Variants in GUCA2A observed in about 807,000 individuals in gnomAD.
The protein encoded by GUCA2A is guanylin.
A neutral mutation model predicts 11.2 loss-of-function variants in GUCA2A; 17 were observed. That is an observed-to-expected ratio of 1.52 (90% CI 1.04 to 2.28). The LOEUF is 2.28. Ranked by LOEUF, GUCA2A falls within the 30% of genes most tolerant of loss-of-function variation. The pLI is 0.00. For missense variants in GUCA2A, 173 were observed against 139.3 expected, an observed-to-expected ratio of 1.24 and a Z score of -1.22; for synonymous variants, 64 against 57.1, an observed-to-expected ratio of 1.12 and a Z score of -0.54.
chr1:42,163,551 G>C lies in GUCA2A; in HGVS notation c.135C>G (p.Pro45=). 3 of 1,613,906 alleles carry C rather than the reference G, an allele frequency of 1.9e-6. No homozygotes were observed. The highest frequency in any genetic ancestry group is 2.5e-6 in the Non-Finnish European group (3 of 1,179,822). ...TGAGTTTCCCAACCCTGGGCTCCTGGGGCTCCTGGAGGTCTTTGAGCTTCT... is the reference window on the plus strand; with the variant it reads ...TGAGTTTCCCAACCCTGGGCTCCTGCGGCTCCTGGAGGTCTTTGAGCTTCT... ...SVKKLKDLQE[P]QEPRVGKLRN... is the part of the protein sequence containing the mutation. Residue 45 remains proline, a synonymous_variant, in exon 2 of 3, where the codon CCC becomes CCG. Transcript: ENST00000357001.
Position 42,162,912 on chromosome 1 carries a change from T to A in GUCA2A, c.342A>T (p.Gly114=). ...AGGCAGTGGGCAAGCCCCCCTAGCATCCGGTACAGGCAGCGTAGGCACAGA... is the reference window on the plus strand; with the variant it reads ...AGGCAGTGGGCAAGCCCCCCTAGCAACCGGTACAGGCAGCGTAGGCACAGA... ...CEICAYAACT[G]C Residue 114 remains glycine (G), a synonymous_variant, in exon 3 of 3, where the codon GGA becomes GGT. Coordinates refer to ENST00000357001, the MANE Select transcript of GUCA2A (RefSeq NM_033553.3). 6.2e-7 allele frequency: 1 copy of A among 1,613,276 alleles called. No homozygotes were observed. Among genetic ancestry groups the A allele is most frequent in the Non-Finnish European group, 8.5e-7 (1 of 1,179,308 alleles).
Position 42,162,798 on chromosome 1 carries a change from G to T in GUCA2A, c.*108C>A. On this transcript the variant is annotated 3_prime_UTR_variant, in exon 3 of 3. Coordinates refer to ENST00000357001, the MANE Select transcript of GUCA2A (RefSeq NM_033553.3). ...CTCCCCGGGCTGCTCCTCCCGACTG[G>T]ACCAGGGTAGGTTGAGCTGCTGGGA... The T allele has an allele frequency of 1.1e-6, 1 of 907,672 alleles. No individual in the cohort carries two copies. The highest frequency in any genetic ancestry group is 1.8e-6 in the Non-Finnish European group (1 of 548,640). The allele number at this position is 907,672 out of a possible 1,614,324, so 56.2% of individuals were successfully genotyped here.
intron 1 of GUCA2A, 61 bp downstream of exon 1, chr1:42,164,577 A>G (rs1350971424): frequency 2.1e-6 from 2 of 957,210 alleles, no homozygotes; most frequent in Non-Finnish European, 3.3e-6. Context: ...CTCTCAGGGG[A>G]CCAGACCTGG....
rs74068088 is a variant in GUCA2A at position 42,164,296 on chromosome 1, C to T, written c.75+342G>A. Among the ~76,000 whole-genome samples the T allele has an allele frequency of 9.2e-3, 1,401 of 152,344 alleles. 24 individuals carry two copies. Among genetic ancestry groups the T allele is most frequent in the African/African-American group, 0.032 (1,320 of 41,590 alleles). ...GAACCTTTGTGAGGCTCAGTTTTCC[C>T]CTCTGTAAAATGGGACTAATGATCC... On this transcript the variant is annotated intron_variant, in intron 1 of 2. Coordinates refer to ENST00000357001, the MANE Select transcript of GUCA2A (RefSeq NM_033553.3).
intron 2 of GUCA2A, among the ~76,000 whole-genome samples, 188 bp downstream of exon 2, chr1:42,163,215 C>T (rs12086819): frequency 0.043 from 6,615 of 152,188 alleles, 473 homozygotes; most frequent in African/African-American, 0.15. Flanking sequence ...GTTCCCAAAC[C>T]TCAGCAGTTA....
At position 42,163,478 on chromosome 1, in the gene GUCA2A, TAC is replaced by T; in HGVS notation, c.206_207del (p.Cys69Ter). ...AGTTCTTCTGGAAAGTTCGGGTTGCTACAGAGGATGGGAACCACAGGTTCACC... is the reference window on the plus strand; with the variant it reads ...AGTTCTTCTGGAAAGTTCGGGTTGCTAGAGGATGGGAACCACAGGTTCACC... Reference protein sequence around the residue: ...IPGEPVVPILCSNPNFPEELK... With the variant: ...IPGEPVVPILXSNPNFPEELK... On this transcript the variant is annotated frameshift_variant, in exon 2 of 3. Transcript: ENST00000357001. LOFTEE classifies it high-confidence loss of function. 1.2e-6 allele frequency: 2 copies of T among 1,613,794 alleles called. No individual in the cohort carries two copies. Among genetic ancestry groups the T allele is most frequent in the Non-Finnish European group, 1.7e-6 (2 of 1,179,692 alleles).
At position 42,163,390 on chromosome 1, in the gene GUCA2A, G is replaced by A. The variant is rs1259179154; in HGVS notation, c.283+13C>T. The A allele has an allele frequency of 2.6e-6, 4 of 1,534,110 alleles. No homozygotes were observed. In the South Asian group the frequency reaches 3.4e-5, roughly 13 times the overall value. On this transcript the variant is annotated intron_variant, in intron 2 of 2. Coordinates refer to ENST00000357001, the MANE Select transcript of GUCA2A (RefSeq NM_033553.3). ...CCGAACCCCACCAATCAGAGAGGAA[G>A]GAGGCTGCTCACCCAGCCTCTGAAG...
chr1:42,163,046 G>T, intron 2 of GUCA2A, 76 bp from the exon 3 acceptor site: 3 of 1,140,280 alleles, frequency 2.6e-6, no homozygotes, highest in Non-Finnish European at 4.0e-6. Context: ...CCCAGAGCTT[G>T]TACGTCACCA....
In GUCA2A at chr1:42,163,562, G is replaced by C; in HGVS notation, c.124C>G (p.Leu42Val). The change falls in exon 2 of 3, where the codon CTC becomes GTC. Residue 42 changes from leucine (L) to valine (V), a missense_variant. Coordinates refer to ENST00000357001, the MANE Select transcript of GUCA2A (RefSeq NM_033553.3). ...ACCCTGGGCTCCTGGGGCTCCTGGA[G>C]GTCTTTGAGCTTCTTCACTGACTCC... is the stretch of plus-strand genomic sequence containing the variant. Reference protein sequence around the residue: ...SLESVKKLKDLQEPQEPRVGK... With the variant: ...SLESVKKLKDVQEPQEPRVGK... 1 of 1,613,854 alleles carries C rather than the reference G, an allele frequency of 6.2e-7. No individual in the cohort carries two copies. The highest frequency in any genetic ancestry group is 8.5e-7 in the Non-Finnish European group (1 of 1,179,778).
In GUCA2A at chr1:42,163,402, C is replaced by G. The variant is rs1646138266; in HGVS notation, c.283+1G>C. 6 of 1,591,288 alleles carry G rather than the reference C, an allele frequency of 3.8e-6. No homozygotes were observed. Among genetic ancestry groups the G allele is most frequent in the Non-Finnish European group, 5.2e-6 (6 of 1,159,214 alleles). On this transcript the variant is annotated splice_donor_variant, in intron 2 of 2. Transcript: ENST00000357001. LOFTEE classifies it high-confidence loss of function. ...AATCAGAGAGGAAGGAGGCTGCTCA[C>G]CCAGCCTCTGAAGTATCTCCTGGGC...
rs77943995 is a variant in GUCA2A, at chr1:42,164,197, C to T, written c.75+441G>A. On this transcript the variant is annotated intron_variant, in intron 1 of 2. Coordinates refer to ENST00000357001, the MANE Select transcript of GUCA2A (RefSeq NM_033553.3). Reference sequence around the variant, plus strand: ...AGGGTGTCCATGTGGTTCCTGGGACCCACTGAGGAGTAAGGTCTGGATTTA... The same window carrying T: ...AGGGTGTCCATGTGGTTCCTGGGACTCACTGAGGAGTAAGGTCTGGATTTA... Among the ~76,000 whole-genome samples, 150 of 152,340 alleles carry T rather than the reference C, an allele frequency of 9.8e-4. 1 individual carries two copies. Among genetic ancestry groups the T allele is most frequent in the Non-Finnish European group, 1.9e-3 (130 of 68,024 alleles).
chr1:42,163,350 G>T, intron 2 of GUCA2A, 53 bp downstream of exon 2: 2 of 1,152,764 alleles, frequency 1.7e-6, no homozygotes, highest in South Asian at 1.3e-5. Context: ...TTCCTCAAGT[G>T]CCACCACAGT....
At chr1:42,164,548 G>T in intron 1 of GUCA2A, 90 bp downstream of exon 1, 1 of 752,024 alleles carries the variant, frequency 1.3e-6, no homozygotes, top group Non-Finnish European at 2.3e-6. Context: ...CCTCAATCCA[G>T]CCCCAAAGAG....
chr1:42,164,595 G>A, intron 1 of GUCA2A, 43 bp downstream of exon 1: 1 of 1,178,368 alleles, frequency 8.5e-7, no homozygotes. Flanking sequence ...TGGGCACTAG[G>A]GGCAGGGAGC....
chr1:42,162,934 C>T lies in GUCA2A; in HGVS notation c.320G>A (p.Cys107Tyr), dbSNP rs774540883. 3.1e-6 allele frequency: 5 copies of T among 1,613,778 alleles called. No individual in the cohort carries two copies. Among genetic ancestry groups the T allele is most frequent in the African/African-American group, 2.7e-5 (2 of 74,892 alleles). Residue 107 changes from cysteine (C) to tyrosine (Y), a missense_variant, in exon 3 of 3, where the codon TGT becomes TAT. Physicochemically the swap from Cys to Tyr is radical, Grantham distance 194. Coordinates refer to ENST00000357001, the MANE Select transcript of GUCA2A (RefSeq NM_033553.3). ...IAEDPGTCEI[C>Y]AYAACTGC The stretch of plus-strand genomic sequence containing the variant: ...GCATCCGGTACAGGCAGCGTAGGCA[C>T]AGATTTCACATGTGCCCGGGTCCTC...
chr1:42,163,917 T>C (rs541839784), intron 1 of GUCA2A, among the ~76,000 whole-genome samples: 3 of 152,350 alleles, frequency 2.0e-5, no homozygotes, highest in African/African-American at 7.2e-5. Flanking sequence ...TGCTGATTTT[T>C]AGGGAGAGGC....
At position 42,164,615 on chromosome 1, in the gene GUCA2A, CGGGGTA is replaced by C. The variant is rs765648024; in HGVS notation, c.75+17_75+22del. On this transcript the variant is annotated intron_variant, in intron 1 of 2. Transcript: ENST00000357001. Reference sequence around the variant, plus strand: ...ACTAGGGGCAGGGAGCCAGCTGGGCCGGGGTAGGGACACAGGACTCACCTGCACGGT... The same window carrying C: ...ACTAGGGGCAGGGAGCCAGCTGGGCCGGGACACAGGACTCACCTGCACGGT... The C allele has an allele frequency of 1.2e-5, 18 of 1,467,444 alleles. No homozygotes were observed. The highest frequency in any genetic ancestry group is 1.7e-5 in the Non-Finnish European group (18 of 1,071,534). The allele number at this position is 1,467,444 out of a possible 1,614,324, so 90.9% of individuals were successfully genotyped here.
chr1:42,163,511 T>C lies in GUCA2A; in HGVS notation c.175A>G (p.Ile59Val). 1 of 1,613,666 alleles carries C rather than the reference T, an allele frequency of 6.2e-7. No individual in the cohort carries two copies. Among genetic ancestry groups the C allele is most frequent in the Non-Finnish European group, 8.5e-7 (1 of 1,179,556 alleles). ...ATGGGAACCACAGGTTCACCAGGGATGGGTGCAAAGTTCCTGAGTTTCCCA... is the reference window on the plus strand; with the variant it reads ...ATGGGAACCACAGGTTCACCAGGGACGGGTGCAAAGTTCCTGAGTTTCCCA... ...RVGKLRNFAP[I>V]PGEPVVPILC... Residue 59 changes from isoleucine (I) to valine (V), a missense_variant, in exon 2 of 3, where the codon ATC becomes GTC. Transcript: ENST00000357001.
chr1:42,163,320 C>A, intron 2 of GUCA2A, 83 bp downstream of exon 2: 1 of 911,024 alleles, frequency 1.1e-6, no homozygotes, highest in Non-Finnish European at 1.7e-6. Context: ...CTCCAAATCC[C>A]ACCAATCAGA....
Sources: gnomAD v4.1 joint callset for allele counts (sites outside exome capture counted in the v4.1 genomes callset) on GRCh38, gnomAD v4.1.1 for gene constraint, MANE v1.5 for transcripts, NCBI Gene and HGNC (gene_info 2026-07-23, HGNC 2026-07-21) for gene names.